The following CRIM1 variants were observed in gnomAD, a reference collection of about 807,000 sequenced individuals.
CRIM1 encodes the protein cysteine rich transmembrane BMP regulator 1.
In CRIM1, 32 loss-of-function variants were observed where a neutral mutation model predicts 116.4. The ratio of observed to expected loss-of-function variants is 0.27; its 90% confidence interval spans 0.21 to 0.37. CRIM1 has a LOEUF of 0.37. Among genes scored for constraint, CRIM1 ranks in the 10% least tolerant of loss-of-function variants. The pLI is 1.00. For missense variants in CRIM1, 1,331 were observed against 1,354.8 expected, an observed-to-expected ratio of 0.98 and a Z score of 0.28; for synonymous variants, 590 against 509.2, an observed-to-expected ratio of 1.16 and a Z score of -2.13.
chr2:36,363,330 T>C (rs144547596), intron 1 of CRIM1, among the ~76,000 whole-genome samples: 17 of 152,208 alleles, frequency 1.1e-4, no homozygotes, highest in African/African-American at 3.6e-4. Context: ...GCATCCCTAA[T>C]GAGCAGTTAA....
chr2:36,523,143 G>A (rs1466022488), intron 13 of CRIM1, among the ~76,000 whole-genome samples: 1 of 151,948 alleles, frequency 6.6e-6, no homozygotes, highest in Admixed American at 6.6e-5. Flanking sequence ...TAGTAGAGAT[G>A]GGGACAGTGG....
rs1670150240 is a variant in CRIM1, at chr2:36,374,234, T to TTATTAAA, written c.331+17611_331+17612insTATTAAA. ...AGACCGAAGCCCCTTATTAAAGGGG[T>TTATTAAA]CACTCAGAAAAAGGTGTTATCTAAA... On this transcript the variant is annotated intron_variant, in intron 1 of 16. Transcript: ENST00000280527. 3.3e-5 allele frequency among the ~76,000 whole-genome samples: 5 copies of TTATTAAA among 152,268 alleles called. No individual in the cohort carries two copies. The South Asian group carries it at 1.0e-3, about 32-fold the overall frequency.
At chr2:36,409,863 T>G (rs1164241119) in intron 2 of CRIM1, among the ~76,000 whole-genome samples, 1 of 152,244 alleles carries the variant, frequency 6.6e-6, no homozygotes, top group Non-Finnish European at 1.5e-5. Flanking sequence ...ACTCATTCCC[T>G]AGTTCATATT....
rs3755217 is a variant in CRIM1, at chr2:36,385,061, A to G, written c.332-11553A>G. On this transcript the variant is annotated intron_variant, in intron 1 of 16. Transcript: ENST00000280527. ...GGAGTGTGTAGTAGGAATAAATAAG[A>G]CCAAACACAATCTTGCTTCACTGAA... 7.4e-3 allele frequency among the ~76,000 whole-genome samples: 1,123 copies of G among 151,142 alleles called. 44 individuals are homozygous for G. The East Asian group carries it at 0.078, about 10-fold the overall frequency.
At chr2:36,382,079 C>T (rs1314298273) in intron 1 of CRIM1, among the ~76,000 whole-genome samples, 2 of 152,172 alleles carry the variant, frequency 1.3e-5, no homozygotes, top group Non-Finnish European at 2.9e-5. Flanking sequence ...CTCTTTGCTC[C>T]TCTCCGGGAT....
chr2:36,428,873 T>C (rs1006508994), intron 2 of CRIM1, among the ~76,000 whole-genome samples: 5 of 152,186 alleles, frequency 3.3e-5, no homozygotes, highest in African/African-American at 1.2e-4. Flanking sequence ...TCTTCCTGCG[T>C]AGATATAAAA....
At chr2:36,476,311 A>G (rs1678971092) in intron 5 of CRIM1, among the ~76,000 whole-genome samples, 1 of 152,206 alleles carries the variant, frequency 6.6e-6, no homozygotes, top group South Asian at 2.1e-4. Flanking sequence ...TCAGGATAAT[A>G]ATACCTATGT....
At position 36,513,765 on chromosome 2, in the gene CRIM1, G is replaced by A; in HGVS notation, c.1990G>A (p.Asp664Asn). ...HPGQCCPSCADDFVVQKPELS... is the reference protein window; with the variant it reads ...HPGQCCPSCANDFVVQKPELS... ...TGGACAGTGCTGCCCATCATGTGCAGGTAAAAGCTGGCTGCCATCTGTGTG... is the reference window on the plus strand; with the variant it reads ...TGGACAGTGCTGCCCATCATGTGCAAGTAAAAGCTGGCTGCCATCTGTGTG... Residue 664 changes from aspartate (D) to asparagine (N), a missense_variant and splice_region_variant, in exon 11 of 17, where the codon GAT becomes AAT. Asp to Asn is a conservative substitution (Grantham distance 23, BLOSUM62 1). Around this residue, in one of 3 missense-constraint regions of CRIM1, gnomAD observed 358 missense variants for 436.1 expected, o/e 0.82. Coordinates refer to ENST00000280527, the MANE Select transcript of CRIM1 (RefSeq NM_016441.3). 1 of 1,613,484 alleles carries A rather than the reference G, an allele frequency of 6.2e-7. No homozygotes were observed. The highest frequency in any genetic ancestry group is 8.5e-7 in the Non-Finnish European group (1 of 1,179,640).
chr2:36,356,776 G>T lies in CRIM1; in HGVS notation c.331+153G>T, dbSNP rs1170812428. Among the ~76,000 whole-genome samples the T allele has an allele frequency of 6.6e-6, 1 of 152,230 alleles. No individual in the cohort carries two copies. Among genetic ancestry groups the T allele is most frequent in the African/African-American group, 2.4e-5 (1 of 41,476 alleles). On this transcript the variant is annotated intron_variant, in intron 1 of 16. Coordinates refer to ENST00000280527, the MANE Select transcript of CRIM1 (RefSeq NM_016441.3). This position sits in a 1 kb window ranked among gnomAD's most constrained non-coding sequence, Gnocchi z 4.3. ...CCGCCCCCAGGAGAGTGCCCCCGCG[G>T]CCCTGCGTTCCCTCTCCTTGTTCCC...
intron 7 of CRIM1, among the ~76,000 whole-genome samples, chr2:36,485,794 G>A (rs907827027): frequency 1.3e-5 from 2 of 152,158 alleles, no homozygotes; most frequent in African/African-American, 4.8e-5. Context: ...TTGCTTCAGT[G>A]CCATATACGA....
At chr2:36,431,130 A>T (rs746155604) in intron 2 of CRIM1, among the ~76,000 whole-genome samples, 6 of 152,190 alleles carry the variant, frequency 3.9e-5, no homozygotes, top group Non-Finnish European at 8.8e-5. Flanking sequence ...CCTTTCTGAG[A>T]CATAGCAAGC....
chr2:36,366,461 C>T (rs975508991), intron 1 of CRIM1, among the ~76,000 whole-genome samples: 1 of 151,882 alleles, frequency 6.6e-6, no homozygotes, highest in African/African-American at 2.4e-5. Flanking sequence ...TTTTGTATTT[C>T]AAGTTCCTGA....
intron 2 of CRIM1, among the ~76,000 whole-genome samples, chr2:36,398,214 C>G (rs887760194): frequency 6.6e-6 from 1 of 152,190 alleles, no homozygotes; most frequent in African/African-American, 2.4e-5. Context: ...GCTATTCTTA[C>G]ATTTCAGGAA....
At chr2:36,365,088 C>T (rs925284189) in intron 1 of CRIM1, among the ~76,000 whole-genome samples, 4 of 151,914 alleles carry the variant, frequency 2.6e-5, no homozygotes, top group South Asian at 2.1e-4. Context: ...AGAAAAGAAC[C>T]GTGAAGTACC....
intron 5 of CRIM1, among the ~76,000 whole-genome samples, chr2:36,466,043 A>G (rs538095506): frequency 1.2e-5 from 1 of 84,804 alleles, no homozygotes; most frequent in South Asian, 6.7e-4. Context: ...CCGCCACCAC[A>G]CGCGGCTAAT....
intron 13 of CRIM1, among the ~76,000 whole-genome samples, chr2:36,535,632 C>T (rs1344765213): frequency 1.3e-5 from 2 of 152,148 alleles, no homozygotes; most frequent in East Asian, 1.9e-4. Flanking sequence ...ATTTAACACT[C>T]GATCTCAGTT....
intron 1 of CRIM1, among the ~76,000 whole-genome samples, chr2:36,384,865 C>T (rs1441310711): frequency 1.3e-5 from 2 of 152,194 alleles, no homozygotes; most frequent in East Asian, 1.9e-4. Context: ...CCTAAACATA[C>T]ACTAACCATG....
chr2:36,471,061 G>A (rs890870646), intron 5 of CRIM1, among the ~76,000 whole-genome samples: 17 of 152,182 alleles, frequency 1.1e-4, no homozygotes, highest in Admixed American at 1.1e-3. Flanking sequence ...AATTAAATGT[G>A]GAACCTGCAG....
intron 6 of CRIM1, among the ~76,000 whole-genome samples, chr2:36,478,755 G>GTA (rs1305935071): frequency 6.6e-6 from 1 of 152,104 alleles, no homozygotes; most frequent in Non-Finnish European, 1.5e-5. Context: ...AGAAAATTGA[G>GTA]TAATTTATCT....
Sources: gnomAD v4.1 joint callset for allele counts (sites outside exome capture counted in the v4.1 genomes callset) on GRCh38, gnomAD v4.1.1 for gene constraint, gnomAD v4.1.1 regional missense constraint, Gnocchi (gnomAD v3.1) non-coding constraint, MANE v1.5 for transcripts, NCBI Gene and HGNC (gene_info 2026-07-23, HGNC 2026-07-21) for gene names.